GABRE: variants seen among roughly 807,000 people sequenced by gnomAD.
The protein encoded by GABRE is gamma-aminobutyric acid type A receptor subunit epsilon.
In GABRE, 20 loss-of-function variants were observed where a neutral mutation model predicts 31.0. That is an observed-to-expected ratio of 0.64 (90% confidence interval 0.45 to 0.94). GABRE has a LOEUF of 0.94. Among genes scored for constraint, GABRE ranks in the 40% least tolerant of loss-of-function variants. GABRE has a pLI of 0.00. For synonymous variants in GABRE, 155 were observed against 150.6 expected (o/e 1.03, Z -0.21); for missense variants, 420 against 410.7 (o/e 1.02, Z -0.20).
intron 1 of GABRE, chrX:151,970,998 C>A: frequency 1.8e-6 from 1 of 564,657 alleles, no homozygotes; most frequent in Non-Finnish European, 2.2e-6. Flanking sequence ...CCACAGACAG[C>A]CATCCAGGAA....
At chrX:151,958,350 C>T (rs747908736) in intron 6 of GABRE, 16 of 233,737 alleles carry the variant, frequency 6.8e-5, no homozygotes, top group South Asian at 4.1e-4. Context: ...CCTTAATCGC[C>T]GAGCACGTAA....
chrX:151,973,639 C>T (rs914728254), intron 1 of GABRE, among the ~76,000 whole-genome samples: 1 of 111,417 alleles, frequency 9.0e-6, no homozygotes, highest in African/African-American at 3.3e-5. Flanking sequence ...TGACACTTCA[C>T]ACACAGCAGG....
intron 3 of GABRE, among the ~76,000 whole-genome samples, chrX:151,963,665 A>C (rs1934448471): frequency 8.9e-6 from 1 of 112,532 alleles, no homozygotes. Flanking sequence ...CTACTGGATT[A>C]ATGCAGCTGA....
At chrX:151,974,534 C>G in intron 1 of GABRE, 36 bp downstream of exon 1, 1 of 1,001,763 alleles carries the variant, frequency 1.0e-6, no homozygotes, top group Non-Finnish European at 1.3e-6. Flanking sequence ...GGGAGCTGGG[C>G]GCGAAGGGCT....
At chrX:151,956,330 A>G in intron 6 of GABRE, 1 of 124,266 alleles carries the variant, frequency 8.0e-6, no homozygotes, top group Non-Finnish European at 1.7e-5. Context: ...GAAGCACAGA[A>G]TGCTTTTGGC....
intron 1 of GABRE, 88 bp from the exon 2 acceptor site, chrX:151,970,490 C>G (rs1001272210): frequency 2.8e-5 from 29 of 1,038,694 alleles, no homozygotes; most frequent in Non-Finnish European, 3.5e-5. Flanking sequence ...CAAACCAAAA[C>G]AAGTTTTCAA....
rs182115731 is a variant in GABRE, at chrX:151,972,297, G to A, written c.57-1895C>T. The A allele has an allele frequency of 2.9e-5, 22 of 752,054 alleles. No homozygotes were observed. In the East Asian group the frequency reaches 3.0e-3, roughly 104 times the overall value. 62.0% of individuals were successfully genotyped at this position (752,054 alleles called of 1,213,427 possible). ...GGAAGAACTGGGCTTGGAAAATACA[G>A]TTTCTACTTTCAAATGCCATATCTA... On this transcript the variant is annotated intron_variant, in intron 1 of 8. Transcript: ENST00000370328.
rs1283235525 is a variant in GABRE at position 151,954,062 on chromosome X, C to A, written c.*639G>T. 4.5e-5 allele frequency: 5 copies of A among 111,838 alleles called. No homozygotes were observed. Among genetic ancestry groups the A allele is most frequent in the African/African-American group, 1.6e-4 (5 of 30,775 alleles). 9.2% of individuals were successfully genotyped at this position (111,838 alleles called of 1,213,427 possible). A position where few individuals can be genotyped will look rare whatever the true frequency, so the allele number is the denominator to read the frequency against. On this transcript the variant is annotated 3_prime_UTR_variant, in exon 9 of 9. Transcript: ENST00000370328. ...AGCAGCAGAGAGAGAGGAATGCTGT[C>A]CCAAATAGGCTCTCTTGCTGCCCCC...
chrX:151,964,428 C>A lies in GABRE; in HGVS notation c.343-1785G>T, dbSNP rs747213678. Among the ~76,000 whole-genome samples the A allele has an allele frequency of 4.5e-3, 503 of 111,596 alleles. 1 individual carries two copies. Among genetic ancestry groups the A allele is most frequent in the Non-Finnish European group, 7.3e-3 (390 of 53,161 alleles). On this transcript the variant is annotated intron_variant, in intron 3 of 8. Transcript: ENST00000370328. The stretch of plus-strand genomic sequence containing the variant: ...GCATGAGTTTGGCTGTAGGAGTTTT[C>A]TATTTCCAGGTGTTCCAAAATAAAA...
At chrX:151,956,603 C>G (rs1478649702) in intron 6 of GABRE, 7 of 112,477 alleles carry the variant, frequency 6.2e-5, no homozygotes, top group Non-Finnish European at 1.1e-4. Flanking sequence ...AATTTTACAC[C>G]AAGATTCTAA....
chrX:151,973,256 C>T (rs1157823936), intron 1 of GABRE, among the ~76,000 whole-genome samples: 1 of 110,627 alleles, frequency 9.0e-6, no homozygotes, highest in East Asian at 2.9e-4. Flanking sequence ...TTCCATTTCC[C>T]CAGTCCCTTT....
chrX:151,958,255 A>AGG (rs1934238422), intron 6 of GABRE: 2 of 181,101 alleles, frequency 1.1e-5, no homozygotes, highest in Non-Finnish European at 2.0e-5. Flanking sequence ...GCAGGGCTGG[A>AGG]CTCTCTTAGA....
Position 151,955,720 on chromosome X carries a change from G to A in GABRE, c.925C>T (p.Arg309Trp). 1.7e-6 allele frequency: 2 copies of A among 1,211,967 alleles called. No homozygotes were observed. Among genetic ancestry groups the A allele is most frequent in the Non-Finnish European group, 2.2e-6 (2 of 895,514 alleles). ...FWIKTESAPA[R>W]TSLGITSVLT... ...TTTCTCCTCTTACCTAGAGAGGTCC[G>A]GGCTGGAGCAGACTCTGTCTTGATC... Residue 309 changes from arginine to tryptophan, a missense_variant, in exon 7 of 9, where the codon CGG (arginine) becomes TGG (tryptophan). Physicochemically the swap from Arg to Trp is moderately radical, Grantham distance 101. Transcript: ENST00000370328.
Position 151,961,357 on chromosome X carries a change from A to G in GABRE, c.572T>C (p.Ile191Thr), listed in dbSNP as rs751049807. 18 of 1,198,158 alleles carry G rather than the reference A, an allele frequency of 1.5e-5. No homozygotes were observed. The highest frequency in any genetic ancestry group is 2.0e-5 in the Non-Finnish European group (18 of 883,630). ...CATGTGGAGTGAGCATCCGGCATCA[A>G]TGGTCATCCTGGAAGGGAGAAAGGA... ...GKVLYTIRMTIDAGCSLHMLR... is the reference protein window; with the variant it reads ...GKVLYTIRMTTDAGCSLHMLR... The change falls in exon 5 of 9, where the codon ATT becomes ACT. Residue 191 changes from isoleucine to threonine, a missense_variant. Transcript: ENST00000370328.
rs1193155472 is a variant in GABRE at position 151,954,747 on chromosome X, A to G, written c.1475T>C (p.Phe492Ser). Residue 492 changes from phenylalanine (F) to serine (S), a missense_variant, in exon 9 of 9, where the codon TTC (phenylalanine) becomes TCC (serine). Transcript: ENST00000370328. ...NYSRVVFPVT[F>S]FFFNVLYWLV... ...CCAGTAGAGCACATTGAAGAAGAAG[A>G]AAGTCACTGGGAAAACAACTCTCGA... 2.5e-6 allele frequency: 3 copies of G among 1,208,552 alleles called. No individual in the cohort carries two copies. Among genetic ancestry groups the G allele is most frequent in the Non-Finnish European group, 3.4e-6 (3 of 894,616 alleles).
rs756945257 is a variant in GABRE at position 151,970,270 on chromosome X, G to A, written c.189C>T (p.Ser63=). 4.1e-6 allele frequency: 5 copies of A among 1,212,143 alleles called. No homozygotes were observed. Among genetic ancestry groups the A allele is most frequent in the Non-Finnish European group, 5.6e-6 (5 of 895,613 alleles). The change falls in exon 2 of 9, where the codon AGC becomes AGT. Residue 63 remains serine, a synonymous_variant. Transcript: ENST00000370328. ...ETKSTETETG[S]RVGKLPEASR... ...AGGCTTCTGGCAGTTTGCCAACTCT[G>A]CTCCCAGTCTCAGTCTCAGTTGACT...
At chrX:151,965,061 G>A (rs543970419) in intron 3 of GABRE, among the ~76,000 whole-genome samples, 2 of 111,393 alleles carry the variant, frequency 1.8e-5, no homozygotes, top group Non-Finnish European at 3.8e-5. Flanking sequence ...TGAGGCAGGA[G>A]AATGGCTCGA....
Position 151,968,246 on chromosome X carries a change from C to A in GABRE, c.342+1423G>T, listed in dbSNP as rs191556389. Among the ~76,000 whole-genome samples the A allele has an allele frequency of 2.5e-3, 277 of 112,179 alleles. 1 individual carries two copies. The highest frequency in any genetic ancestry group is 8.4e-3 in the African/African-American group (258 of 30,895). On this transcript the variant is annotated intron_variant, in intron 3 of 8. Coordinates refer to ENST00000370328, the MANE Select transcript of GABRE (RefSeq NM_004961.4). ...TTGAGCCTTCAGATGAGACTCCAGC[C>A]CCAGCTGACACCTTGATTACAGGCT... is the stretch of plus-strand genomic sequence containing the variant.
intron 1 of GABRE, among the ~76,000 whole-genome samples, chrX:151,973,473 C>A (rs1934783686): frequency 9.0e-6 from 1 of 111,178 alleles, no homozygotes; most frequent in African/African-American, 3.3e-5. Context: ...ACCAGTGAGC[C>A]AGCAAGCAGC....
Sources: gnomAD v4.1 joint callset for allele counts (sites outside exome capture counted in the v4.1 genomes callset) on GRCh38, gnomAD v4.1.1 for gene constraint, MANE v1.5 for transcripts, NCBI Gene and HGNC (gene_info 2026-07-23, HGNC 2026-07-21) for gene names.